RPTOR: variants seen among roughly 807,000 people sequenced by gnomAD.
RPTOR encodes regulatory associated protein of MTOR complex 1, also known as regulatory-associated protein of mTOR.
Under a neutral mutation model 169.9 loss-of-function variants are expected in RPTOR, and 21 were observed. That is an observed-to-expected ratio of 0.12 (90% CI 0.09 to 0.18). The LOEUF (loss-of-function observed/expected upper bound fraction) is 0.18, where lower values mean the gene tolerates loss of function less well. Ranked by LOEUF, RPTOR falls within the 10% of genes least tolerant of loss-of-function variation. The probability of loss-of-function intolerance (pLI) is 1.00; values close to 1 mark genes in which losing one functional copy is unlikely to be tolerated. For missense variants in RPTOR, 1,133 were observed against 1,855.9 expected (o/e 0.61, Z 7.16); for synonymous variants, 732 against 753.2 (o/e 0.97, Z 0.46).
At chr17:80,781,882 C>T (rs1490436075) in intron 6 of RPTOR, among the ~76,000 whole-genome samples, 46 of 152,196 alleles carry the variant, frequency 3.0e-4, no homozygotes, top group Admixed American at 2.9e-3. Flanking sequence ...GTCTCCAGCC[C>T]AGTTTAGACC....
intron 20 of RPTOR, among the ~76,000 whole-genome samples, chr17:80,896,325 C>G (rs2068398226): frequency 6.6e-6 from 1 of 151,988 alleles, no homozygotes; most frequent in East Asian, 1.9e-4. Flanking sequence ...CTTAGCAGCA[C>G]CCATCCCATC....
chr17:80,829,967 A>C (rs1818697885), intron 9 of RPTOR, among the ~76,000 whole-genome samples: 1 of 152,248 alleles, frequency 6.6e-6, no homozygotes, highest in African/African-American at 2.4e-5. Flanking sequence ...AGAGCTAAAA[A>C]GTAAACACGA....
At chr17:80,835,223 C>T (rs1270103865) in intron 9 of RPTOR, among the ~76,000 whole-genome samples, 2 of 152,116 alleles carry the variant, frequency 1.3e-5, no homozygotes, top group Non-Finnish European at 1.5e-5. Flanking sequence ...TGAAAAATTG[C>T]TCTTTAGTCC....
intron 11 of RPTOR, among the ~76,000 whole-genome samples, chr17:80,853,764 G>T (rs8067618): frequency 0.071 from 10,869 of 152,214 alleles, 1,238 homozygotes; most frequent in African/African-American, 0.24. Context: ...GGATCACAAG[G>T]TCAGGAGATC....
At chr17:80,934,288 T>C (rs2068930633) in intron 24 of RPTOR, among the ~76,000 whole-genome samples, 1 of 151,884 alleles carries the variant, frequency 6.6e-6, no homozygotes, top group African/African-American at 2.4e-5. Flanking sequence ...TGGAAGAGAT[T>C]ACTACCAAAC....
chr17:80,964,332 G>T lies in RPTOR; in HGVS notation c.*2G>T. On this transcript the variant is annotated 3_prime_UTR_variant, in exon 34 of 34. Coordinates refer to ENST00000306801, the MANE Select transcript of RPTOR (RefSeq NM_020761.3). ...TCGGTGGAGAAGCGTGTCAGATAGC[G>T]GCGTGACCCGGGCCCACCAGGCCAC... The T allele has an allele frequency of 6.2e-7, 1 of 1,606,110 alleles. No individual in the cohort carries two copies.
chr17:80,943,138 C>T (rs559013963), intron 25 of RPTOR, among the ~76,000 whole-genome samples: 1 of 152,368 alleles, frequency 6.6e-6, no homozygotes, highest in African/African-American at 2.4e-5. Flanking sequence ...AGTGAGGCTT[C>T]AGCCCGCAGA....
intron 7 of RPTOR, chr17:80,805,341 G>C (rs952304697): frequency 6.6e-6 from 1 of 152,310 alleles, no homozygotes; most frequent in Non-Finnish European, 1.5e-5. Flanking sequence ...GAGATGCAGC[G>C]TGCAGGTGAG....
At chr17:80,834,774 A>T (rs920955929) in intron 9 of RPTOR, among the ~76,000 whole-genome samples, 4 of 152,156 alleles carry the variant, frequency 2.6e-5, no homozygotes, top group African/African-American at 9.7e-5. Flanking sequence ...GCTTTCCGGG[A>T]GGCATGGTTC....
intron 20 of RPTOR, among the ~76,000 whole-genome samples, chr17:80,902,399 C>T (rs963232239): frequency 6.6e-6 from 1 of 152,252 alleles, no homozygotes; most frequent in East Asian, 1.9e-4. Context: ...CTCTGCCATC[C>T]GTGCAGCTCA....
intron 7 of RPTOR, among the ~76,000 whole-genome samples, chr17:80,793,003 A>G (rs984578818): frequency 1.1e-4 from 17 of 152,154 alleles, no homozygotes; most frequent in African/African-American, 4.1e-4. Flanking sequence ...AAAATAGGGC[A>G]TCTTGCTGTA....
rs567288761 is a variant in RPTOR, at chr17:80,589,194, A to G, written c.163-36497A>G. 8.7e-4 allele frequency among the ~76,000 whole-genome samples: 133 copies of G among 152,314 alleles called. 2 individuals are homozygous for G. Among genetic ancestry groups the G allele is most frequent in the Middle Eastern group, 3.4e-3 (1 of 294 alleles). Reference sequence around the variant, plus strand: ...AGGGCCCAGTTTTGCTCTGTTGCATATGAATTTTAATTTGTCCCAGCTCCT... The same window carrying G: ...AGGGCCCAGTTTTGCTCTGTTGCATGTGAATTTTAATTTGTCCCAGCTCCT... On this transcript the variant is annotated intron_variant, in intron 1 of 33. Transcript: ENST00000306801.
intron 1 of RPTOR, among the ~76,000 whole-genome samples, chr17:80,586,007 C>A (rs767668966): frequency 1.3e-5 from 2 of 151,966 alleles, no homozygotes; most frequent in Non-Finnish European, 2.9e-5. Context: ...TCAGTGGTGG[C>A]CGTGAGCTAA....
chr17:80,747,367 G>A (rs2066585969), intron 5 of RPTOR, among the ~76,000 whole-genome samples: 2 of 152,222 alleles, frequency 1.3e-5, no homozygotes, highest in Non-Finnish European at 2.9e-5. Flanking sequence ...GGTACCAGGT[G>A]AGTGGAGCAC....
In RPTOR at chr17:80,692,442, C is replaced by T. The variant is rs554047431; in HGVS notation, c.349-15399C>T. ...GTTCAAGCGATTCTCCTGCCTCAGC[C>T]TCCCAAGTAGCTGGGATTACAGGCA... is the stretch of plus-strand genomic sequence containing the variant. On this transcript the variant is annotated intron_variant, in intron 3 of 33. Coordinates refer to ENST00000306801, the MANE Select transcript of RPTOR (RefSeq NM_020761.3). 4.6e-4 allele frequency among the ~76,000 whole-genome samples: 70 copies of T among 152,316 alleles called. No homozygotes were observed. In the South Asian group the frequency reaches 5.4e-3, roughly 12 times the overall value.
rs935751456 is a variant in RPTOR at position 80,965,079 on chromosome 17, A to G, written c.*749A>G. On this transcript the variant is annotated 3_prime_UTR_variant, in exon 34 of 34. Coordinates refer to ENST00000306801, the MANE Select transcript of RPTOR (RefSeq NM_020761.3). ...TCAGCAGGGGCCGCTGTGGCGGTGC[A>G]CAGGGGAGGCAGGTCCTTGGCGAGG... is the stretch of plus-strand genomic sequence containing the variant. The G allele has an allele frequency of 4.3e-6, 1 of 233,298 alleles. No individual in the cohort carries two copies. Among genetic ancestry groups the G allele is most frequent in the Middle Eastern group, 1.3e-3 (1 of 786 alleles). 14.5% of individuals were successfully genotyped at this position (233,298 alleles called of 1,614,324 possible).
At chr17:80,949,958 T>C (rs2144066861) in intron 28 of RPTOR, among the ~76,000 whole-genome samples, 1 of 152,246 alleles carries the variant, frequency 6.6e-6, no homozygotes, top group East Asian at 1.9e-4. Flanking sequence ...CACATGGCCA[T>C]CTGGGGCCTC....
intron 3 of RPTOR, among the ~76,000 whole-genome samples, chr17:80,682,865 A>G (rs920152274): frequency 6.6e-6 from 1 of 151,980 alleles, no homozygotes. Context: ...GGTGTGATCC[A>G]TCATAGCTCA....
At chr17:80,550,986 C>T (rs942506546) in intron 1 of RPTOR, among the ~76,000 whole-genome samples, 3 of 152,184 alleles carry the variant, frequency 2.0e-5, no homozygotes, top group Non-Finnish European at 2.9e-5. Context: ...CTCCCGAGTT[C>T]AAGAGATTCT....
Sources: gnomAD v4.1 joint callset for allele counts (sites outside exome capture counted in the v4.1 genomes callset) on GRCh38, gnomAD v4.1.1 for gene constraint, MANE v1.5 for transcripts, NCBI Gene and HGNC (gene_info 2026-07-23, HGNC 2026-07-21) for gene names.